The following USP46 variants were observed in gnomAD, a reference collection of about 807,000 sequenced individuals.
USP46 encodes the protein ubiquitin carboxyl-terminal hydrolase 46.
USP46 carries 12 observed loss-of-function variants against 44.4 expected under a neutral mutation model. The ratio of observed to expected loss-of-function variants is 0.27; its 90% confidence interval spans 0.17 to 0.44. The LOEUF (loss-of-function observed/expected upper bound fraction) is 0.44, where lower values mean the gene tolerates loss of function less well. Among genes scored for constraint, USP46 ranks in the 20% least tolerant of loss-of-function variants. The pLI, the probability that USP46 is intolerant of heterozygous loss-of-function variation, is 1.00. For synonymous variants in USP46, 155 were observed against 161.5 expected, an observed-to-expected ratio of 0.96 and a Z score of 0.31; for missense variants, 248 against 444.8, an observed-to-expected ratio of 0.56 and a Z score of 3.98.
At chr4:52,642,896 A>T (rs761426385) in intron 1 of USP46, among the ~76,000 whole-genome samples, 1 of 152,240 alleles carries the variant, frequency 6.6e-6, no homozygotes, top group Non-Finnish European at 1.5e-5. Flanking sequence ...ATACTTGGAT[A>T]GATACTGACA....
At chr4:52,599,384 CAG>C (rs2109590977) in intron 7 of USP46, among the ~76,000 whole-genome samples, 1 of 152,034 alleles carries the variant, frequency 6.6e-6, no homozygotes, top group South Asian at 2.1e-4. Context: ...TCAGGAAGAG[CAG>C]AGAGGCCAAA....
In USP46 at chr4:52,626,035, A is replaced by G; in HGVS notation, c.544T>C (p.Cys182Arg). 1 of 1,613,772 alleles carries G rather than the reference A, an allele frequency of 6.2e-7. No homozygotes were observed. The highest frequency in any genetic ancestry group is 8.5e-7 in the Non-Finnish European group (1 of 1,179,840). The change falls in exon 4 of 9, where the codon TGC (cysteine) becomes CGC (arginine). Residue 182 changes from cysteine to arginine, a missense_variant. This residue lies in a region of USP46 where 98 missense variants were observed against 218.2 expected (regional missense o/e 0.45). Coordinates refer to ENST00000441222, the MANE Select transcript of USP46 (RefSeq NM_022832.4). ...FQGTLTNETR[C>R]LNCETVSSKD... ...GTACTTACAGTTTCACAGTTCAAGC[A>G]TCGAGTTTCATTGGTAAGCGTTCCC...
chr4:52,604,623 A>G, intron 5 of USP46, 39 bp from the exon 6 acceptor site: 3 of 1,415,690 alleles, frequency 2.1e-6, no homozygotes, highest in Non-Finnish European at 2.9e-6. Flanking sequence ...AAAATGTCCA[A>G]ATCTACTTGG....
At chr4:52,611,147 C>T (rs770514891) in intron 4 of USP46, among the ~76,000 whole-genome samples, 1 of 152,218 alleles carries the variant, frequency 6.6e-6, no homozygotes, top group Non-Finnish European at 1.5e-5. Flanking sequence ...TGACCACACA[C>T]AAAGCTGTCC....
chr4:52,610,719 G>C, intron 4 of USP46, 102 bp from the exon 5 acceptor site: 1 of 1,089,950 alleles, frequency 9.2e-7, no homozygotes, highest in Non-Finnish European at 1.4e-6. Context: ...AACCATAACT[G>C]CAGTTAAAGT....
Position 52,592,063 on chromosome 4 carries a change from C to G in USP46, c.*5577G>C, listed in dbSNP as rs1175122063. The G allele has an allele frequency of 6.6e-6, 1 of 152,204 alleles. No homozygotes were observed. The highest frequency in any genetic ancestry group is 1.5e-5 in the Non-Finnish European group (1 of 68,034). 9.4% of individuals were successfully genotyped at this position (152,204 alleles called of 1,614,324 possible). On this transcript the variant is annotated 3_prime_UTR_variant, in exon 9 of 9. Coordinates refer to ENST00000441222, the MANE Select transcript of USP46 (RefSeq NM_022832.4). ...GTGTGGCTTCATCCAACAGTGCCAT[C>G]TGCATGTTGAGGCTGGGGCTGAATA...
At position 52,593,565 on chromosome 4, in the gene USP46, A is replaced by G. The variant is rs10034164; in HGVS notation, c.*4075T>C. ...GACAGGGAAAAGCAGCCCTACCCAT[A>G]GTTACTGTAGGCTTCACTGAGGCCA... On this transcript the variant is annotated 3_prime_UTR_variant, in exon 9 of 9. Transcript: ENST00000441222. 27,332 of 152,270 alleles carry G rather than the reference A, an allele frequency of 0.18. 3,021 individuals are homozygous for G. Among genetic ancestry groups the G allele is most frequent in the African/African-American group, 0.32 (13,462 of 41,506 alleles). The allele number at this position is 152,270 out of a possible 1,614,324, so 9.4% of individuals were successfully genotyped here.
At chr4:52,641,316 A>C (rs1212270508) in intron 1 of USP46, among the ~76,000 whole-genome samples, 1 of 152,156 alleles carries the variant, frequency 6.6e-6, no homozygotes, top group East Asian at 1.9e-4. Context: ...CAGTGCAGCC[A>C]ACTTTATTAA....
chr4:52,610,415 T>G (rs577039808), intron 5 of USP46, 126 bp downstream of exon 5: 3 of 790,426 alleles, frequency 3.8e-6, no homozygotes, highest in African/African-American at 3.5e-5. Context: ...AAAGGAGAGA[T>G]AGAAAATAAT....
At chr4:52,644,032 C>T (rs757490085) in intron 1 of USP46, among the ~76,000 whole-genome samples, 3 of 152,206 alleles carry the variant, frequency 2.0e-5, no homozygotes, top group Non-Finnish European at 2.9e-5. Context: ...ACCTAACCAC[C>T]GGGCACTTAC....
At chr4:52,606,321 C>T (rs894314207) in intron 5 of USP46, among the ~76,000 whole-genome samples, 2 of 152,176 alleles carry the variant, frequency 1.3e-5, no homozygotes, top group African/African-American at 4.8e-5. Flanking sequence ...ACGTATTAGT[C>T]TGTTCTCATG....
intron 1 of USP46, among the ~76,000 whole-genome samples, chr4:52,645,311 C>G (rs1405315366): frequency 1.3e-5 from 2 of 151,640 alleles, no homozygotes; most frequent in Non-Finnish European, 2.9e-5. Context: ...CTGAAGAAAG[C>G]TGACCTGGGA....
chr4:52,626,274 G>A, intron 3 of USP46, 27 bp from the exon 4 acceptor site: 1 of 1,580,548 alleles, frequency 6.3e-7, no homozygotes, highest in South Asian at 1.2e-5. Flanking sequence ...GGTTATTTCA[G>A]TCTCTGGTTC....
rs66817554 is a variant in USP46, at chr4:52,609,898, C to CTTTT, written c.638+639_638+642dup. On this transcript the variant is annotated intron_variant, in intron 5 of 8. Transcript: ENST00000441222. ...GGAAACCTAAACCTCAATTCTATTT[C>CTTTT]TTTTTTTTTTTTTTTTTTTTTTTTT... 6.5e-3 allele frequency among the ~76,000 whole-genome samples: 160 copies of CTTTT among 24,578 alleles called. 35 individuals carry two copies. Among genetic ancestry groups the CTTTT allele is most frequent in the East Asian group, 9.3e-3 (8 of 860 alleles). 16.1% of individuals were successfully genotyped at this position (24,578 alleles called of 152,430 possible).
chr4:52,594,369 T>C lies in USP46; in HGVS notation c.*3271A>G, dbSNP rs2109584658. 6.6e-6 allele frequency: 1 copy of C among 152,278 alleles called. No individual in the cohort carries two copies. Among genetic ancestry groups the C allele is most frequent in the African/African-American group, 2.4e-5 (1 of 41,560 alleles). The allele number at this position is 152,278 out of a possible 1,614,324, so 9.4% of individuals were successfully genotyped here. A position where few individuals can be genotyped will look rare whatever the true frequency, so the allele number is the denominator to read the frequency against. On this transcript the variant is annotated 3_prime_UTR_variant, in exon 9 of 9. Coordinates refer to ENST00000441222, the MANE Select transcript of USP46 (RefSeq NM_022832.4). Reference sequence around the variant, plus strand: ...CAAAATAATAGGAATGCCACACAAATACAGTAACTATTTTGGTTATACAGA... The same window carrying C: ...CAAAATAATAGGAATGCCACACAAACACAGTAACTATTTTGGTTATACAGA...
At chr4:52,629,503 C>T in intron 2 of USP46, 1 of 438,608 alleles carries the variant, frequency 2.3e-6, no homozygotes, top group Non-Finnish European at 4.6e-6. Flanking sequence ...CAGGGCTAAG[C>T]AGAGGCCTGT....
At chr4:52,614,733 A>G (rs371236406) in intron 4 of USP46, among the ~76,000 whole-genome samples, 2 of 152,292 alleles carry the variant, frequency 1.3e-5, no homozygotes, top group Admixed American at 6.5e-5. Context: ...TGCAAATACA[A>G]AATACTTTTT....
chr4:52,656,889 A>C lies in USP46; in HGVS notation c.36+2226T>G, dbSNP rs1447686607. The stretch of plus-strand genomic sequence containing the variant: ...ACCCAGTCTCTATGGAAAATTTAAA[A>C]ATTAGCCAGGCATGGTGGCACGTGC... On this transcript the variant is annotated intron_variant, in intron 1 of 8. Coordinates refer to ENST00000441222, the MANE Select transcript of USP46 (RefSeq NM_022832.4). Among the ~76,000 whole-genome samples, 3 of 151,906 alleles carry C rather than the reference A, an allele frequency of 2.0e-5. No individual in the cohort carries two copies. The East Asian group carries it at 5.9e-4, about 30-fold the overall frequency.
chr4:52,632,783 C>T (rs1188131829), intron 1 of USP46, among the ~76,000 whole-genome samples: 1 of 150,464 alleles, frequency 6.6e-6, no homozygotes, highest in Non-Finnish European at 1.5e-5. Flanking sequence ...TGCACTCCAG[C>T]CTGGGCAACA....
Sources: gnomAD v4.1 joint callset for allele counts (sites outside exome capture counted in the v4.1 genomes callset) on GRCh38, gnomAD v4.1.1 for gene constraint, gnomAD v4.1.1 regional missense constraint, MANE v1.5 for transcripts, NCBI Gene and HGNC (gene_info 2026-07-23, HGNC 2026-07-21) for gene names.